Variants in NUP62 observed in about 807,000 individuals in gnomAD.
NUP62 encodes the protein nucleoporin 62, also known as nuclear pore glycoprotein p62.
For synonymous variants in NUP62, 305 were observed against 303.4 expected, an observed-to-expected ratio of 1.01 and a Z score of -0.05; for missense variants, 647 against 689.4, an observed-to-expected ratio of 0.94 and a Z score of 0.69.
intron 2 of NUP62, among the ~76,000 whole-genome samples, chr19:49,916,115 T>C (rs1464987801): frequency 6.6e-6 from 1 of 152,132 alleles, no homozygotes; most frequent in African/African-American, 2.4e-5. Context: ...AAGTGCAGAC[T>C]CCCCAAGGCC....
chr19:49,924,866 G>A (rs1428098597), intron 2 of NUP62, among the ~76,000 whole-genome samples: 3 of 152,196 alleles, frequency 2.0e-5, no homozygotes, highest in South Asian at 4.1e-4. Flanking sequence ...GCGGCAAAAC[G>A]GTGGGGAGGG....
intron 2 of NUP62, among the ~76,000 whole-genome samples, chr19:49,916,377 G>A (rs60706906): frequency 0.12 from 17,929 of 145,638 alleles, 1,384 homozygotes; most frequent in East Asian, 0.38. Flanking sequence ...TTTTTGAGAC[G>A]GAGTCTCGCT....
intron 2 of NUP62, among the ~76,000 whole-genome samples, chr19:49,924,988 G>A (rs1227619210): frequency 1.3e-5 from 2 of 152,160 alleles, no homozygotes; most frequent in African/African-American, 4.8e-5. Flanking sequence ...CGGGCCAGGC[G>A]CGGTGGTTCA....
Position 49,918,344 on chromosome 19 carries a change from C to A in NUP62, c.-77-8460G>T, listed in dbSNP as rs759418460. 5.9e-4 allele frequency among the ~76,000 whole-genome samples: 90 copies of A among 152,138 alleles called. 1 individual carries two copies. The highest frequency in any genetic ancestry group is 9.3e-4 in the Non-Finnish European group (63 of 68,036). ...CCTCCCAAAGTGCCAAGATTACAGG[C>A]ACGAGCCACCACGTCCAGCGAGGGT... On this transcript the variant is annotated intron_variant, in intron 2 of 2. Transcript: ENST00000352066.
In NUP62 at chr19:49,908,107, A is replaced by AT. The variant is rs1419116523; in HGVS notation, c.*131dup. On this transcript the variant is annotated 3_prime_UTR_variant, in exon 3 of 3. Coordinates refer to ENST00000352066, the MANE Select transcript of NUP62 (RefSeq NM_016553.5). ...GAAAAACGCAAAGCACACAGCGATC[A>AT]TGTCAAGGGCAGTCATGTGAAAGAA... 1 of 1,495,340 alleles carries AT rather than the reference A, an allele frequency of 6.7e-7. No individual in the cohort carries two copies. The highest frequency in any genetic ancestry group is 8.9e-7 in the Non-Finnish European group (1 of 1,123,954). 92.6% of individuals were successfully genotyped at this position (1,495,340 alleles called of 1,614,324 possible).
At chr19:49,914,725 A>AGTTTT (rs1409277534) in intron 2 of NUP62, among the ~76,000 whole-genome samples, 8 of 30,910 alleles carry the variant, frequency 2.6e-4, no homozygotes, top group African/African-American at 6.3e-4. Flanking sequence ...TCCAAGTCCC[A>AGTTTT]GTTTTTTTTT....
At chr19:49,918,799 C>A (rs544904255) in intron 2 of NUP62, among the ~76,000 whole-genome samples, 2 of 151,922 alleles carry the variant, frequency 1.3e-5, no homozygotes, top group East Asian at 3.9e-4. Context: ...GCCGCACCAC[C>A]CTGCCACAAC....
chr19:49,909,255 G>A lies in NUP62; in HGVS notation c.553C>T (p.Pro185Ser). ...GCCGGAGTGAAGGGCAACGTGGCAGGTGCCGTGGGCTGGGCTGAATTCCCT... is the reference window on the plus strand; with the variant it reads ...GCCGGAGTGAAGGGCAACGTGGCAGATGCCGTGGGCTGGGCTGAATTCCCT... ...SAGNSAQPTA[P>S]ATLPFTPATP... Residue 185 changes from proline (P) to serine (S), a missense_variant, in exon 3 of 3, where the codon CCT becomes TCT. Transcript: ENST00000352066. 6.2e-7 allele frequency: 1 copy of A among 1,614,108 alleles called. No individual in the cohort carries two copies.
At chr19:49,914,122 G>A (rs1355725485) in intron 2 of NUP62, among the ~76,000 whole-genome samples, 1 of 152,178 alleles carries the variant, frequency 6.6e-6, no homozygotes, top group Non-Finnish European at 1.5e-5. Context: ...GCCAAGGCAG[G>A]AGGATTGCTT....
chr19:49,916,613 A>T (rs888372964), intron 2 of NUP62, among the ~76,000 whole-genome samples: 3 of 152,038 alleles, frequency 2.0e-5, no homozygotes, highest in Admixed American at 6.6e-5. Context: ...TACAAAAAAA[A>T]ATTAGCCAGG....
Position 49,909,044 on chromosome 19 carries a change from C to T in NUP62, c.764G>A (p.Gly255Asp), listed in dbSNP as rs774470419. 6 of 1,612,948 alleles carry T rather than the reference C, an allele frequency of 3.7e-6. No individual in the cohort carries two copies. The African/African-American group carries it at 5.3e-5, about 14-fold the overall frequency. ...TGCTCCAGGTGCCTTTAAGCTGAAG[C>T]CCTGTGTCCCAGCAGTGGGGGCGCC... Reference protein sequence around the residue: ...TAGAPTAGTQGFSLKAPGAAS... With the variant: ...TAGAPTAGTQDFSLKAPGAAS... The change falls in exon 3 of 3, where the codon GGC becomes GAC. Residue 255 changes from glycine to aspartate, a missense_variant. Gly to Asp is a moderately conservative substitution (Grantham distance 94). Transcript: ENST00000352066.
intron 2 of NUP62, among the ~76,000 whole-genome samples, chr19:49,924,531 C>T (rs1262185019): frequency 1.3e-5 from 2 of 152,200 alleles, no homozygotes; most frequent in African/African-American, 2.4e-5. Flanking sequence ...CAGGCCCCTC[C>T]GCACCGAAAA....
At chr19:49,924,298 C>T (rs998020023) in intron 2 of NUP62, among the ~76,000 whole-genome samples, 2 of 152,144 alleles carry the variant, frequency 1.3e-5, no homozygotes, top group African/African-American at 4.8e-5. Context: ...TTCTTGGCAC[C>T]GAGCCTCAGA....
rs2075773115 is a variant in NUP62 at position 49,921,864 on chromosome 19, G to C, written c.-78+5830C>G. ...TGTAGGAACCACATATCCTGGGCCA[G>C]ACGAATGCAGGAGCTGCCTCCTCTG... On this transcript the variant is annotated intron_variant, in intron 2 of 2. Coordinates refer to ENST00000352066, the MANE Select transcript of NUP62 (RefSeq NM_016553.5). This position sits in a 1 kb window ranked among gnomAD's most constrained non-coding sequence, Gnocchi z 5.4. Among the ~76,000 whole-genome samples the C allele has an allele frequency of 6.6e-6, 1 of 152,200 alleles. No individual in the cohort carries two copies. Among genetic ancestry groups the C allele is most frequent in the Non-Finnish European group, 1.5e-5 (1 of 68,030 alleles).
At position 49,908,709 on chromosome 19, in the gene NUP62, C is replaced by T. The variant is rs775985879; in HGVS notation, c.1099G>A (p.Glu367Lys). The change falls in exon 3 of 3, where the codon GAG becomes AAG. Residue 367 changes from glutamate to lysine, a missense_variant. By Grantham distance (56) the Glu-to-Lys change is moderately conservative (BLOSUM62 1). Coordinates refer to ENST00000352066, the MANE Select transcript of NUP62 (RefSeq NM_016553.5). ...AGGCTGGTGATCTTTTCTCCATTCT[C>T]GATCAGCGTGCGGTCCCAGGCGTTG... is the stretch of plus-strand genomic sequence containing the variant. The part of the protein sequence containing the change: ...QVNAWDRTLI[E>K]NGEKITSLHR... 1.1e-5 allele frequency: 17 copies of T among 1,612,508 alleles called. No homozygotes were observed. The highest frequency in any genetic ancestry group is 5.3e-5 in the African/African-American group (4 of 74,940).
intron 2 of NUP62, among the ~76,000 whole-genome samples, chr19:49,920,506 C>T (rs1000464848): frequency 6.6e-6 from 1 of 152,208 alleles, no homozygotes; most frequent in African/African-American, 2.4e-5. Context: ...TATACAGTAT[C>T]TCAATAAAGC....
intron 2 of NUP62, among the ~76,000 whole-genome samples, chr19:49,923,513 G>GC (rs372748536): frequency 3.3e-5 from 5 of 152,340 alleles, no homozygotes; most frequent in African/African-American, 7.2e-5. Flanking sequence ...GGATCTGAAA[G>GC]CAGAAGCAGG....
chr19:49,919,904 T>C (rs2075722926), intron 2 of NUP62, among the ~76,000 whole-genome samples: 1 of 152,154 alleles, frequency 6.6e-6, no homozygotes, highest in African/African-American at 2.4e-5. Flanking sequence ...GAAAGTTTTT[T>C]CCCCTCTACC....
intron 2 of NUP62, among the ~76,000 whole-genome samples, chr19:49,920,384 G>A (rs1395741061): frequency 1.3e-5 from 2 of 152,184 alleles, no homozygotes; most frequent in East Asian, 3.9e-4. Flanking sequence ...CCCGGCCTAG[G>A]AGTTTCTTTT....
Sources: gnomAD v4.1 joint callset for allele counts (sites outside exome capture counted in the v4.1 genomes callset) on GRCh38, gnomAD v4.1.1 for gene constraint, Gnocchi (gnomAD v3.1) non-coding constraint, MANE v1.5 for transcripts, NCBI Gene and HGNC (gene_info 2026-07-23, HGNC 2026-07-21) for gene names.